Variants in PCCB observed in about 807,000 individuals in gnomAD.
The protein encoded by PCCB is propionyl-CoA carboxylase subunit beta.
PCCB carries 43 observed loss-of-function variants against 60.7 expected under a neutral mutation model. The observed-to-expected ratio is 0.71, with a 90% CI of 0.55 to 0.91. The LOEUF (loss-of-function observed/expected upper bound fraction) is 0.91. PCCB is among the 40% of genes least tolerant of loss of function. The pLI is 0.00. For synonymous variants in PCCB, 276 were observed against 255.9 expected, an observed-to-expected ratio of 1.08 and a Z score of -0.75; for missense variants, 766 against 702.8, an observed-to-expected ratio of 1.09 and a Z score of -1.02.
intron 7 of PCCB, among the ~76,000 whole-genome samples, chr3:136,296,550 A>C (rs997149654): frequency 2.0e-5 from 3 of 152,226 alleles, no homozygotes; most frequent in Admixed American, 1.3e-4. Flanking sequence ...TTCGGCTATC[A>C]TAAATATGCC....
At chr3:136,254,878 CTTTT>C (rs113195311) in intron 1 of PCCB, among the ~76,000 whole-genome samples, 3 of 139,750 alleles carry the variant, frequency 2.1e-5, no homozygotes, top group African/African-American at 7.9e-5. Flanking sequence ...CTCAAAGAAG[CTTTT>C]TTTTTTTTTT....
At position 136,288,780 on chromosome 3, in the gene PCCB, A is replaced by G. The variant is rs750909510; in HGVS notation, c.654+4833A>G. On this transcript the variant is annotated intron_variant, in intron 6 of 14. Coordinates refer to ENST00000251654, the MANE Select transcript of PCCB (RefSeq NM_000532.5). ...TAGCTGGGATTACAGGCACATGCCA[A>G]CACACCTGGCTAATTTTTTATTTAT... 5.7e-4 allele frequency among the ~76,000 whole-genome samples: 87 copies of G among 152,122 alleles called. 1 individual carries two copies. Among genetic ancestry groups the G allele is most frequent in the Middle Eastern group, 3.4e-3 (1 of 294 alleles).
chr3:136,284,951 G>A (rs1933317495), intron 6 of PCCB, among the ~76,000 whole-genome samples: 1 of 151,940 alleles, frequency 6.6e-6, no homozygotes, highest in Non-Finnish European at 1.5e-5. Flanking sequence ...AGCTGGGCGT[G>A]GTGGTGCATA....
intron 10 of PCCB, among the ~76,000 whole-genome samples, chr3:136,320,287 A>G (rs1386784973): frequency 2.0e-5 from 3 of 152,234 alleles, no homozygotes; most frequent in Non-Finnish European, 4.4e-5. Flanking sequence ...TACTCTGAGT[A>G]GTATTGACAC....
intron 7 of PCCB, among the ~76,000 whole-genome samples, chr3:136,297,255 G>T (rs1469605696): frequency 6.6e-6 from 1 of 152,156 alleles, no homozygotes; most frequent in Non-Finnish European, 1.5e-5. Context: ...GTAGAGACAT[G>T]ACACGATCTG....
At chr3:136,275,703 A>G (rs556639938) in intron 5 of PCCB, among the ~76,000 whole-genome samples, 2 of 152,188 alleles carry the variant, frequency 1.3e-5, no homozygotes, top group South Asian at 4.1e-4. Flanking sequence ...GGAAGACTGT[A>G]TGAGTTCCTT....
Position 136,276,405 on chromosome 3 carries a change from A to T in PCCB, c.544-7432A>T, listed in dbSNP as rs531481937. Among the ~76,000 whole-genome samples, 11 of 152,278 alleles carry T rather than the reference A, an allele frequency of 7.2e-5. No individual in the cohort carries two copies. In the South Asian group the frequency reaches 1.9e-3, roughly 26 times the overall value. The stretch of plus-strand genomic sequence containing the variant: ...CAAGGGGAAGGGTGGGAGCCACCTC[A>T]GCTCCTTTGCCAGGCCAGTAGGAAA... On this transcript the variant is annotated intron_variant, in intron 5 of 14. Transcript: ENST00000251654.
rs760499581 is a variant in PCCB at position 136,283,904 on chromosome 3, C to T, written c.611C>T (p.Ala204Val). The change falls in exon 6 of 15, where the codon GCC becomes GTC. Residue 204 changes from alanine (A) to valine (V), a missense_variant. Coordinates refer to ENST00000251654, the MANE Select transcript of PCCB (RefSeq NM_000532.5). ...SLIMGPCAGG[A>V]VYSPALTDFT... Reference sequence around the variant, plus strand: ...ATCATGGGCCCATGTGCTGGTGGGGCCGTCTACTCCCCAGCCCTAACAGAC... The same window carrying T: ...ATCATGGGCCCATGTGCTGGTGGGGTCGTCTACTCCCCAGCCCTAACAGAC... 9.3e-6 allele frequency: 15 copies of T among 1,613,262 alleles called. No homozygotes were observed. Among genetic ancestry groups the T allele is most frequent in the Admixed American group, 6.7e-5 (4 of 60,014 alleles).
rs1935327388 is a variant in PCCB, at chr3:136,326,791, C to T, written c.1091-12C>T. The T allele has an allele frequency of 1.3e-6, 2 of 1,542,508 alleles. No individual in the cohort carries two copies. The highest frequency in any genetic ancestry group is 1.8e-6 in the Non-Finnish European group (2 of 1,114,920). ...CCTGGATACTCAGTATGGATAATCTCTCTCTTTCTAGGATGCTTGGATATT... is the reference window on the plus strand; with the variant it reads ...CCTGGATACTCAGTATGGATAATCTTTCTCTTTCTAGGATGCTTGGATATT... On this transcript the variant is annotated splice_polypyrimidine_tract_variant and intron_variant, in intron 10 of 14. Transcript: ENST00000251654.
intron 5 of PCCB, among the ~76,000 whole-genome samples, chr3:136,281,327 A>G (rs1942469436): frequency 1.3e-5 from 2 of 151,138 alleles, no homozygotes; most frequent in Admixed American, 6.6e-5. Flanking sequence ...CTGGTTCCTT[A>G]TACTAGATTA....
chr3:136,274,585 G>T (rs906805119), intron 5 of PCCB, among the ~76,000 whole-genome samples: 1 of 152,084 alleles, frequency 6.6e-6, no homozygotes, highest in Non-Finnish European at 1.5e-5. Flanking sequence ...TAGATAGCCC[G>T]ATGACTATGT....
At chr3:136,277,806 G>C (rs1423544160) in intron 5 of PCCB, among the ~76,000 whole-genome samples, 3 of 152,128 alleles carry the variant, frequency 2.0e-5, no homozygotes, top group Non-Finnish European at 4.4e-5. Context: ...GGCAGCCTAG[G>C]CTCAGAACTC....
At chr3:136,265,753 C>T (rs948592432) in intron 5 of PCCB, among the ~76,000 whole-genome samples, 3 of 151,802 alleles carry the variant, frequency 2.0e-5, no homozygotes, top group Non-Finnish European at 4.4e-5. Flanking sequence ...AAACCATTTA[C>T]ATTACCATGA....
intron 10 of PCCB, among the ~76,000 whole-genome samples, chr3:136,323,785 T>C (rs1452610987): frequency 7.3e-6 from 1 of 136,182 alleles, no homozygotes; most frequent in Non-Finnish European, 1.5e-5. Flanking sequence ...GAACTCCATC[T>C]CAGAAACAAA....
chr3:136,327,427 A>G (rs1935363031), intron 12 of PCCB, among the ~76,000 whole-genome samples, 172 bp downstream of exon 12: 1 of 152,200 alleles, frequency 6.6e-6, no homozygotes, highest in Non-Finnish European at 1.5e-5. Context: ...TGCTTTTTTA[A>G]CACAGGGGAA....
chr3:136,282,045 A>C lies in PCCB; in HGVS notation c.544-1792A>C, dbSNP rs577855447. Among the ~76,000 whole-genome samples, 51 of 152,234 alleles carry C rather than the reference A, an allele frequency of 3.4e-4. 2 individuals are homozygous for C. In the South Asian group the frequency reaches 0.01, roughly 31 times the overall value. On this transcript the variant is annotated intron_variant, in intron 5 of 14. Coordinates refer to ENST00000251654, the MANE Select transcript of PCCB (RefSeq NM_000532.5). The stretch of plus-strand genomic sequence containing the variant: ...TGCCAGCCTCTATGCTTAGCCCCTC[A>C]GCCATCAAAAGCAGTGGTCAGTAAT...
chr3:136,311,071 A>G (rs1171452133), intron 9 of PCCB, among the ~76,000 whole-genome samples: 1 of 152,176 alleles, frequency 6.6e-6, no homozygotes, highest in African/African-American at 2.4e-5. Flanking sequence ...ATATTAACCA[A>G]TACAGTTATC....
intron 5 of PCCB, among the ~76,000 whole-genome samples, chr3:136,277,734 A>ACGGT (rs1290552415): frequency 6.6e-6 from 1 of 152,186 alleles, no homozygotes; most frequent in East Asian, 1.9e-4. Flanking sequence ...CAGATCCCAC[A>ACGGT]CGGTCGGAAA....
intron 3 of PCCB, among the ~76,000 whole-genome samples, chr3:136,257,285 A>C (rs79256588): frequency 0.016 from 2,429 of 152,250 alleles, 75 homozygotes; most frequent in African/African-American, 0.055. Flanking sequence ...CATGATCTGC[A>C]GTACCTGGCT....
Sources: allele counts gnomAD v4.1 joint callset (sites outside exome capture counted in the v4.1 genomes callset), GRCh38; gene constraint gnomAD v4.1.1; transcripts MANE v1.5; gene names NCBI Gene and HGNC (gene_info 2026-07-23, HGNC 2026-07-21).